CEP43: variants seen among roughly 807,000 people sequenced by gnomAD.
CEP43 encodes the protein FGFR1 oncogene partner.
Under a neutral mutation model 52.6 loss-of-function variants are expected in CEP43, and 36 were observed. That is an observed-to-expected ratio of 0.68 (90% CI 0.52 to 0.90). The LOEUF (loss-of-function observed/expected upper bound fraction) is 0.90, where lower values mean the gene tolerates loss of function less well. CEP43 is among the 40% of genes least tolerant of loss of function. CEP43 has a pLI of 0.00. For synonymous variants in CEP43, 192 were observed against 172.4 expected (o/e 1.11, Z -0.89); for missense variants, 506 against 472.8 (o/e 1.07, Z -0.65).
intron 10 of CEP43, chr6:167,028,577 CAG>C (rs1780401804): frequency 1.2e-6 from 1 of 818,270 alleles, no homozygotes; most frequent in Non-Finnish European, 1.5e-6. Context: ...AATATGTAGA[CAG>C]ATGTTAGTGG....
chr6:167,043,831 A>T lies in CEP43; in HGVS notation c.*3853A>T, dbSNP rs183450374. On this transcript the variant is annotated 3_prime_UTR_variant, in exon 13 of 13. Transcript: ENST00000366847. ...AGTGAATGTATGTCATGAAAGACAG[A>T]TGAACAAAGAACTGATCTTGAAGAA... The T allele has an allele frequency of 5.9e-5, 9 of 152,356 alleles. No homozygotes were observed. The highest frequency in any genetic ancestry group is 4.6e-4 in the Admixed American group (7 of 15,310). The allele number at this position is 152,356 out of a possible 1,614,324, so 9.4% of individuals were successfully genotyped here. A position where few individuals can be genotyped will look rare whatever the true frequency, so the allele number is the denominator to read the frequency against.
chr6:167,020,630 G>C (rs951765866), intron 7 of CEP43, among the ~76,000 whole-genome samples: 3 of 152,140 alleles, frequency 2.0e-5, no homozygotes, highest in African/African-American at 7.2e-5. Flanking sequence ...GGCCATGTAT[G>C]GTGGCTCACG....
intron 12 of CEP43, among the ~76,000 whole-genome samples, chr6:167,034,812 T>TA (rs1163724638): frequency 2.6e-5 from 4 of 152,262 alleles, no homozygotes; most frequent in African/African-American, 9.6e-5. Flanking sequence ...ATGGAAGTAT[T>TA]AATACCTATG....
At position 167,022,574 on chromosome 6, in the gene CEP43, G is replaced by C. The variant is rs374496644; in HGVS notation, c.745G>C (p.Asp249His). Reference protein sequence around the residue: ...DKAGLCPDEDDMEGDSFFDDP... With the variant: ...DKAGLCPDEDHMEGDSFFDDP... ...AGCTGGCCTTTGTCCAGATGAAGAT[G>C]ATATGGAAGGAGATTCTTTCTTTGA... The change falls in exon 8 of 13, where the codon GAT becomes CAT. Residue 249 changes from aspartate (D) to histidine (H), a missense_variant. Physicochemically the swap from Asp to His is moderately conservative, Grantham distance 81 (BLOSUM62 -1). Coordinates refer to ENST00000366847, the MANE Select transcript of CEP43 (RefSeq NM_007045.4). 2 of 1,614,144 alleles carry C rather than the reference G, an allele frequency of 1.2e-6. No homozygotes were observed. The highest frequency in any genetic ancestry group is 1.7e-6 in the Non-Finnish European group (2 of 1,179,996).
chr6:167,017,313 A>G (rs1780124813), intron 7 of CEP43, among the ~76,000 whole-genome samples: 1 of 152,172 alleles, frequency 6.6e-6, no homozygotes, highest in African/African-American at 2.4e-5. Context: ...TACAAATTTT[A>G]AAATAATGGT....
intron 10 of CEP43, among the ~76,000 whole-genome samples, chr6:167,031,469 A>C (rs1780469730): frequency 6.6e-6 from 1 of 152,226 alleles, no homozygotes; most frequent in African/African-American, 2.4e-5. Context: ...TAGGGGACCT[A>C]GTCATCACTC....
At position 167,003,246 on chromosome 6, in the gene CEP43, C is replaced by A; in HGVS notation, c.210C>A (p.Asp70Glu). Residue 70 changes from aspartate to glutamate, a missense_variant and splice_region_variant, in exon 3 of 13, where the codon GAC becomes GAA. Coordinates refer to ENST00000366847, the MANE Select transcript of CEP43 (RefSeq NM_007045.4). ...ESLKKFLNTK[D>E]GRLVASLVAE... ...TGAAAAAGTTTTTAAATACCAAAGA[C>A]GGTAAGATGTTCAGTTTGTTCTTGT... The A allele has an allele frequency of 6.8e-7, 1 of 1,474,912 alleles. No homozygotes were observed. The highest frequency in any genetic ancestry group is 9.2e-7 in the Non-Finnish European group (1 of 1,085,768). The allele number at this position is 1,474,912 out of a possible 1,614,324, so 91.4% of individuals were successfully genotyped here. A position where few individuals can be genotyped will look rare whatever the true frequency, so the allele number is the denominator to read the frequency against.
chr6:167,023,294 G>A (rs1780281464), intron 8 of CEP43, among the ~76,000 whole-genome samples: 1 of 152,218 alleles, frequency 6.6e-6, no homozygotes, highest in Non-Finnish European at 1.5e-5. Context: ...GGATCCTGAG[G>A]TTGCTGGGGA....
In CEP43 at chr6:167,041,897, C is replaced by G. The variant is rs545249617; in HGVS notation, c.*1919C>G. On this transcript the variant is annotated 3_prime_UTR_variant, in exon 13 of 13. Transcript: ENST00000366847. ...GGAGTACAGTGATGCGATCTCGGCT[C>G]ACTGCAACCTCCGCCTCCTGGGTTC... is the stretch of plus-strand genomic sequence containing the variant. 1 of 731,750 alleles carries G rather than the reference C, an allele frequency of 1.4e-6. No homozygotes were observed. Among genetic ancestry groups the G allele is most frequent in the Non-Finnish European group, 1.7e-6 (1 of 591,224 alleles). The allele number at this position is 731,750 out of a possible 1,614,324, so 45.3% of individuals were successfully genotyped here. A position where few individuals can be genotyped will look rare whatever the true frequency, so the allele number is the denominator to read the frequency against.
At chr6:167,004,908 G>A (rs985691837) in intron 5 of CEP43, among the ~76,000 whole-genome samples, 10 of 152,146 alleles carry the variant, frequency 6.6e-5, no homozygotes, top group Non-Finnish European at 1.3e-4. Context: ...TTTGCTTTAC[G>A]CTGTTTAGAA....
chr6:167,032,548 G>T (rs1016085158), intron 10 of CEP43, 55 bp from the exon 11 acceptor site: 27 of 1,458,408 alleles, frequency 1.9e-5, no homozygotes, highest in Middle Eastern at 1.8e-4. Flanking sequence ...GTGTTTAATG[G>T]TAGGTAAATT....
intron 7 of CEP43, among the ~76,000 whole-genome samples, chr6:167,018,174 C>T (rs529191475): frequency 6.6e-6 from 1 of 152,112 alleles, no homozygotes; most frequent in East Asian, 1.9e-4. Context: ...AGCAAGGATA[C>T]CACTCATTAG....
intron 12 of CEP43, among the ~76,000 whole-genome samples, chr6:167,035,833 C>G (rs747903622): frequency 3.3e-5 from 5 of 152,156 alleles, no homozygotes; most frequent in Non-Finnish European, 7.3e-5. Context: ...TCCCAAAGTG[C>G]TGGGATTACA....
At chr6:167,004,637 A>G (rs1036780356) in intron 5 of CEP43, among the ~76,000 whole-genome samples, 1 of 54,980 alleles carries the variant, frequency 1.8e-5, no homozygotes, top group Non-Finnish European at 3.8e-5. Flanking sequence ...GTGTTGGGTC[A>G]TGAGCTAAAC....
At position 167,000,048 on chromosome 6, in the gene CEP43, C is replaced by A; in HGVS notation, c.103-12C>A. 2 of 1,600,474 alleles carry A rather than the reference C, an allele frequency of 1.2e-6. No homozygotes were observed. Among genetic ancestry groups the A allele is most frequent in the Middle Eastern group, 3.3e-4 (2 of 6,034 alleles). On this transcript the variant is annotated splice_polypyrimidine_tract_variant and intron_variant, in intron 1 of 12. Coordinates refer to ENST00000366847, the MANE Select transcript of CEP43 (RefSeq NM_007045.4). ...GAAATTATAATTTCCTGTTTCTTAA[C>A]TTTTTTTTAAGGCTGAACTCCGAGC...
intron 7 of CEP43, among the ~76,000 whole-genome samples, chr6:167,019,236 GCA>G (rs1780170063): frequency 6.6e-6 from 1 of 152,140 alleles, no homozygotes; most frequent in Non-Finnish European, 1.5e-5. Context: ...CTGTGCACAT[GCA>G]TACACCTGCT....
chr6:167,025,752 T>A (rs1476443915), intron 9 of CEP43, among the ~76,000 whole-genome samples: 1 of 152,226 alleles, frequency 6.6e-6, no homozygotes, highest in Non-Finnish European at 1.5e-5. Flanking sequence ...TTCTTTCCCG[T>A]GGTTACTGCC....
chr6:167,041,453 T>C lies in CEP43; in HGVS notation c.*1475T>C, dbSNP rs189162995. 4 of 1,059,882 alleles carry C rather than the reference T, an allele frequency of 3.8e-6. No homozygotes were observed. The South Asian group carries it at 1.8e-4, about 48-fold the overall frequency. The allele number at this position is 1,059,882 out of a possible 1,614,324, so 65.7% of individuals were successfully genotyped here. ...TATCTCAGTCTCCTTCAGCTCTTCA[T>C]GTCTTAGTAAACAGCACCACGTGCA... On this transcript the variant is annotated 3_prime_UTR_variant, in exon 13 of 13. Coordinates refer to ENST00000366847, the MANE Select transcript of CEP43 (RefSeq NM_007045.4).
chr6:167,017,403 G>GTGT (rs1780127292), intron 7 of CEP43, among the ~76,000 whole-genome samples: 1 of 152,176 alleles, frequency 6.6e-6, no homozygotes, highest in African/African-American at 2.4e-5. Context: ...GGGAGGATGT[G>GTGT]TGTAGGCTAT....
Sources: allele counts gnomAD v4.1 joint callset (sites outside exome capture counted in the v4.1 genomes callset), GRCh38; gene constraint gnomAD v4.1.1; transcripts MANE v1.5; gene names NCBI Gene and HGNC (gene_info 2026-07-23, HGNC 2026-07-21).